NAT10: variants seen among roughly 807,000 people sequenced by gnomAD.
The protein encoded by NAT10 is RNA cytidine acetyltransferase.
A neutral mutation model predicts 132.2 loss-of-function variants in NAT10; 109 were observed. That is an observed-to-expected ratio of 0.82 (90% CI 0.71 to 0.97). The LOEUF is 0.97. NAT10 is among the 50% of genes least tolerant of loss of function. The probability of loss-of-function intolerance (pLI) is 0.00; values close to 1 mark genes in which losing one functional copy is unlikely to be tolerated. For synonymous variants in NAT10, 479 were observed against 478.0 expected, an observed-to-expected ratio of 1.00 and a Z score of -0.03; for missense variants, 1,184 against 1,263.4, an observed-to-expected ratio of 0.94 and a Z score of 0.95.
intron 19 of NAT10, among the ~76,000 whole-genome samples, chr11:34,135,755 T>C (rs1183150696): frequency 6.6e-6 from 1 of 152,138 alleles, no homozygotes; most frequent in African/African-American, 2.4e-5. Context: ...GGGGCTTTTA[T>C]TTAAGTTGAG....
At chr11:34,142,096 A>C in intron 26 of NAT10, 179 bp from the exon 27 acceptor site, 1 of 648,630 alleles carries the variant, frequency 1.5e-6, no homozygotes, top group Non-Finnish European at 2.7e-6. Context: ...TCTTAAATGC[A>C]TAGTTTATAA....
At chr11:34,120,964 C>G (rs914969833) in intron 8 of NAT10, among the ~76,000 whole-genome samples, 3 of 152,112 alleles carry the variant, frequency 2.0e-5, no homozygotes, top group Admixed American at 2.0e-4. Flanking sequence ...GCAGAGGAAG[C>G]AGCATGTGCA....
chr11:34,123,399 C>T (rs551333482), intron 9 of NAT10, among the ~76,000 whole-genome samples: 27 of 152,368 alleles, frequency 1.8e-4, no homozygotes, highest in African/African-American at 6.3e-4. Context: ...TTAGCTTTGG[C>T]CTTGGCCTGA....
intron 1 of NAT10, among the ~76,000 whole-genome samples, chr11:34,107,486 C>A (rs1392460424): frequency 6.6e-6 from 1 of 152,184 alleles, no homozygotes; most frequent in Non-Finnish European, 1.5e-5. Flanking sequence ...ATAAAAGTCC[C>A]ACCATCCAGA....
chr11:34,128,434 T>C (rs1183009116), intron 12 of NAT10, among the ~76,000 whole-genome samples: 1 of 152,180 alleles, frequency 6.6e-6, no homozygotes, highest in Non-Finnish European at 1.5e-5. Flanking sequence ...AATTTTGATG[T>C]ACATTTTCTC....
At chr11:34,141,672 C>T (rs1489678390) in intron 25 of NAT10, 47 bp from the exon 26 acceptor site, 1 of 1,569,732 alleles carries the variant, frequency 6.4e-7, no homozygotes, top group Middle Eastern at 1.7e-4. Context: ...TGACTGGGTC[C>T]CTGCTGCTCC....
At chr11:34,140,716 A>G (rs1241771873) in intron 24 of NAT10, 144 bp downstream of exon 24, 3 of 996,126 alleles carry the variant, frequency 3.0e-6, no homozygotes, top group East Asian at 5.3e-5. Context: ...TCCTCATTCT[A>G]CAGGTCAGGA....
chr11:34,146,373 A>C lies in NAT10; in HGVS notation c.*181A>C, dbSNP rs1852442111. ...CCTGGCTAAAGGCAGAGTCACTCCC[A>C]AATGGGTCTCTTTAGAACTTGATGG... On this transcript the variant is annotated 3_prime_UTR_variant, in exon 29 of 29. Transcript: ENST00000257829. 1.8e-6 allele frequency: 1 copy of C among 546,654 alleles called. No homozygotes were observed. Among genetic ancestry groups the C allele is most frequent in the African/African-American group, 1.9e-5 (1 of 52,684 alleles). The allele number at this position is 546,654 out of a possible 1,614,324, so 33.9% of individuals were successfully genotyped here. A position where few individuals can be genotyped will look rare whatever the true frequency, so the allele number is the denominator to read the frequency against.
intron 13 of NAT10, 137 bp downstream of exon 13, chr11:34,131,074 A>C: frequency 7.4e-7 from 1 of 1,350,358 alleles, no homozygotes. Context: ...CCCCAAGAGG[A>C]GAAGTAGCTT....
At chr11:34,113,676 A>G (rs778435054) in intron 4 of NAT10, 40 bp from the exon 5 acceptor site, 4 of 1,481,710 alleles carry the variant, frequency 2.7e-6, no homozygotes, top group African/African-American at 3.0e-5. Flanking sequence ...TTGGGTTGCT[A>G]TTTGCATGAC....
chr11:34,113,918 C>A, intron 5 of NAT10, 80 bp downstream of exon 5: 2 of 1,545,378 alleles, frequency 1.3e-6, no homozygotes, highest in Non-Finnish European at 1.8e-6. Context: ...TTAAAGAATT[C>A]CTGTTGGGCA....
intron 6 of NAT10, among the ~76,000 whole-genome samples, chr11:34,117,317 CT>C (rs1478270278): frequency 6.6e-6 from 1 of 152,140 alleles, no homozygotes; most frequent in African/African-American, 2.4e-5. Context: ...ATTTGGCCCC[CT>C]GGGGACATTT....
chr11:34,114,787 T>G (rs1851756476), intron 5 of NAT10, among the ~76,000 whole-genome samples: 1 of 152,210 alleles, frequency 6.6e-6, no homozygotes, highest in Admixed American at 6.5e-5. Flanking sequence ...CGGCTTTATT[T>G]TTCTTCAAAG....
intron 5 of NAT10, among the ~76,000 whole-genome samples, chr11:34,114,293 T>G (rs1259575554): frequency 6.6e-6 from 1 of 152,204 alleles, no homozygotes; most frequent in Non-Finnish European, 1.5e-5. Context: ...GATTGTGTTC[T>G]CCCAAAGCAA....
intron 28 of NAT10, among the ~76,000 whole-genome samples, chr11:34,145,000 C>T (rs73500475): frequency 6.6e-6 from 1 of 152,224 alleles, no homozygotes; most frequent in African/African-American, 2.4e-5. Context: ...GCCTCATTTC[C>T]CAGATGCTTT....
rs750046532 is a variant in NAT10, at chr11:34,136,773, C to T, written c.2160C>T (p.Leu720=). 1.9e-6 allele frequency: 3 copies of T among 1,614,160 alleles called. No individual in the cohort carries two copies. Among genetic ancestry groups the T allele is most frequent in the Admixed American group, 3.3e-5 (2 of 60,014 alleles). The change falls in exon 20 of 29, where the codon CTC becomes CTT. Residue 720 remains leucine (L), a splice_region_variant and synonymous_variant. Coordinates refer to ENST00000257829, the MANE Select transcript of NAT10 (RefSeq NM_024662.3). ...CCTATGGCTTGACCCCCAGGCTCCT[C>T]AAGTAAGTGCCTGCCCTCCTTCCAC... ...GVSYGLTPRL[L]KFWKRAGFVP... is the part of the protein sequence containing the mutation.
intron 4 of NAT10, among the ~76,000 whole-genome samples, chr11:34,112,824 G>A (rs889898525): frequency 1.3e-5 from 2 of 152,122 alleles, no homozygotes; most frequent in African/African-American, 4.8e-5. Flanking sequence ...AGCACTGGTG[G>A]TCTTTGTTTT....
intron 5 of NAT10, among the ~76,000 whole-genome samples, chr11:34,115,064 G>A (rs987022139): frequency 6.6e-6 from 1 of 152,220 alleles, no homozygotes; most frequent in Non-Finnish European, 1.5e-5. Flanking sequence ...GCTGAGGCAG[G>A]AGAATTGCTT....
chr11:34,141,447 CACACGT>C (rs1184798072), intron 25 of NAT10, among the ~76,000 whole-genome samples: 2 of 146,150 alleles, frequency 1.4e-5, no homozygotes, highest in African/African-American at 4.9e-5. Context: ...CACACACACA[CACACGT>C]GCGCGCGCAA....
Sources: gnomAD v4.1 joint callset for allele counts (sites outside exome capture counted in the v4.1 genomes callset) on GRCh38, gnomAD v4.1.1 for gene constraint, MANE v1.5 for transcripts, NCBI Gene and HGNC (gene_info 2026-07-23, HGNC 2026-07-21) for gene names.